The following DCLK2 variants were observed in gnomAD, a reference collection of about 807,000 sequenced individuals.
DCLK2 encodes the protein serine/threonine-protein kinase DCLK2.
A neutral mutation model predicts 78.4 loss-of-function variants in DCLK2; 31 were observed. The observed-to-expected ratio is 0.40, with a 90% CI of 0.30 to 0.53. The LOEUF (loss-of-function observed/expected upper bound fraction) is 0.53, where lower values mean the gene tolerates loss of function less well. Ranked by LOEUF, DCLK2 falls within the 20% of genes least tolerant of loss-of-function variation. The pLI, the probability that DCLK2 is intolerant of heterozygous loss-of-function variation, is 0.61. For synonymous variants in DCLK2, 407 were observed against 374.9 expected, an observed-to-expected ratio of 1.09 and a Z score of -0.99; for missense variants, 872 against 973.7, an observed-to-expected ratio of 0.90 and a Z score of 1.39.
rs1580455058 is a variant in DCLK2 at position 150,078,861 on chromosome 4, T to G, written c.-167T>G. The stretch of plus-strand genomic sequence containing the variant: ...ACTTTTAGCTGAGGGCGCGGGCGGG[T>G]CGGCTCCTCCGCGGCTCCTCGGCCC... On this transcript the variant is annotated 5_prime_UTR_variant, in exon 1 of 16. Coordinates refer to ENST00000296550, the MANE Select transcript of DCLK2 (RefSeq NM_001040260.4). 2.4e-6 allele frequency: 2 copies of G among 830,660 alleles called. No homozygotes were observed. Among genetic ancestry groups the G allele is most frequent in the Non-Finnish European group, 3.4e-6 (2 of 580,756 alleles). 51.5% of individuals were successfully genotyped at this position (830,660 alleles called of 1,614,324 possible). A position where few individuals can be genotyped will look rare whatever the true frequency, so the allele number is the denominator to read the frequency against.
chr4:150,132,949 A>G (rs960825764), intron 2 of DCLK2, among the ~76,000 whole-genome samples: 10 of 152,174 alleles, frequency 6.6e-5, no homozygotes, highest in Admixed American at 6.6e-4. Context: ...CAACCAGTCA[A>G]TATACAAGCT....
At chr4:150,110,008 G>T (rs79347226) in intron 2 of DCLK2, among the ~76,000 whole-genome samples, 5,465 of 152,236 alleles carry the variant, frequency 0.036, 206 homozygotes, top group Admixed American at 0.084. Context: ...TTTTAAGCTT[G>T]CATTTTGATA....
chr4:150,165,754 G>A (rs962246658), intron 2 of DCLK2, among the ~76,000 whole-genome samples: 2 of 152,212 alleles, frequency 1.3e-5, no homozygotes, highest in Non-Finnish European at 2.9e-5. Context: ...TGATGCTGTG[G>A]TTTGAATGTG....
intron 2 of DCLK2, among the ~76,000 whole-genome samples, chr4:150,115,680 T>C (rs1392073071): frequency 1.3e-5 from 2 of 152,222 alleles, no homozygotes; most frequent in Non-Finnish European, 2.9e-5. Flanking sequence ...GTATTAGCAA[T>C]GTGCTTGGTG....
At chr4:150,251,502 ACCCCACACCCACACCCCCCACACC>A (rs1293808207) in intron 15 of DCLK2, among the ~76,000 whole-genome samples, 1 of 292 alleles carries the variant, frequency 3.4e-3, no homozygotes, top group African/African-American at 0.028. Context: ...ACCCCCACAT[ACCCCACACCCACACCCCCCACACC>A]CCCCACACCC....
At chr4:150,201,447 T>C (rs1739445110) in intron 4 of DCLK2, among the ~76,000 whole-genome samples, 2 of 152,194 alleles carry the variant, frequency 1.3e-5, no homozygotes, top group Admixed American at 6.5e-5. Flanking sequence ...TTCAAGCACA[T>C]TGTTTAGAAC....
intron 5 of DCLK2, among the ~76,000 whole-genome samples, chr4:150,208,040 G>A (rs144202846): frequency 1.7e-3 from 256 of 152,292 alleles, no homozygotes; most frequent in African/African-American, 6.0e-3. Context: ...CAACCGACTT[G>A]ATAGGCTTAT....
chr4:150,238,565 T>G (rs1408959773), intron 10 of DCLK2, among the ~76,000 whole-genome samples: 1 of 152,200 alleles, frequency 6.6e-6, no homozygotes, highest in Non-Finnish European at 1.5e-5. Flanking sequence ...TTTTTAAACC[T>G]TTTCCAATGT....
chr4:150,211,023 T>G (rs966155708), intron 5 of DCLK2, among the ~76,000 whole-genome samples: 3 of 152,010 alleles, frequency 2.0e-5, no homozygotes, highest in African/African-American at 7.2e-5. Context: ...AGTAGAAAAT[T>G]TATTTTCACA....
chr4:150,138,816 C>CG (rs1428714503), intron 2 of DCLK2, among the ~76,000 whole-genome samples: 1 of 152,006 alleles, frequency 6.6e-6, no homozygotes, highest in Admixed American at 6.6e-5. Context: ...CAGGCGCCTG[C>CG]CACCATGCCC....
intron 2 of DCLK2, among the ~76,000 whole-genome samples, chr4:150,160,975 T>C (rs1049823222): frequency 1.1e-4 from 16 of 152,156 alleles, no homozygotes; most frequent in Non-Finnish European, 2.4e-4. Flanking sequence ...AATAATATAA[T>C]CTGTCCCTGT....
chr4:150,165,190 A>G (rs879188813), intron 2 of DCLK2, among the ~76,000 whole-genome samples: 2 of 152,218 alleles, frequency 1.3e-5, no homozygotes, highest in Non-Finnish European at 2.9e-5. Flanking sequence ...GCTGAGGACT[A>G]TGGGTGTTGT....
At chr4:150,087,566 C>G (rs1219530348) in intron 1 of DCLK2, among the ~76,000 whole-genome samples, 2 of 152,158 alleles carry the variant, frequency 1.3e-5, no homozygotes, top group Non-Finnish European at 2.9e-5. Context: ...CCCAAAGATA[C>G]AGGGGAAGTT....
intron 5 of DCLK2, 86 bp downstream of exon 5, chr4:150,203,975 A>G: frequency 8.1e-7 from 1 of 1,227,252 alleles, no homozygotes; most frequent in Non-Finnish European, 1.2e-6. Context: ...TGGGGGCTTG[A>G]GTACAGTAGC....
intron 2 of DCLK2, among the ~76,000 whole-genome samples, chr4:150,106,778 G>C (rs951873895): frequency 1.3e-5 from 2 of 152,196 alleles, no homozygotes; most frequent in Admixed American, 6.5e-5. Context: ...GGCTAAAACA[G>C]TGTCCCTTGA....
intron 5 of DCLK2, among the ~76,000 whole-genome samples, chr4:150,218,494 A>G (rs904889160): frequency 4.6e-5 from 7 of 152,182 alleles, no homozygotes; most frequent in Admixed American, 1.3e-4. Context: ...GCTTACCCAA[A>G]TTAGCTCAAG....
chr4:150,126,508 G>A (rs1282661969), intron 2 of DCLK2, among the ~76,000 whole-genome samples: 2 of 152,216 alleles, frequency 1.3e-5, no homozygotes, highest in East Asian at 3.8e-4. Flanking sequence ...GATATTCCAG[G>A]CCGTGGAGTA....
intron 2 of DCLK2, among the ~76,000 whole-genome samples, chr4:150,107,240 G>A (rs2150160171): frequency 6.6e-6 from 1 of 152,208 alleles, no homozygotes; most frequent in Non-Finnish European, 1.5e-5. Context: ...AATATTAACT[G>A]TGTTATTAGG....
intron 2 of DCLK2, among the ~76,000 whole-genome samples, chr4:150,138,798 C>T (rs1733884294): frequency 6.6e-6 from 1 of 151,908 alleles, no homozygotes; most frequent in Admixed American, 6.6e-5. Context: ...TCCTGAGTAG[C>T]GGGACTACAG....
Sources: allele counts gnomAD v4.1 joint callset (sites outside exome capture counted in the v4.1 genomes callset), GRCh38; gene constraint gnomAD v4.1.1; transcripts MANE v1.5; gene names NCBI Gene and HGNC (gene_info 2026-07-23, HGNC 2026-07-21).